Variants in DCDC2 observed in about 807,000 individuals in gnomAD.
The protein encoded by DCDC2 is doublecortin domain-containing protein 2.
DCDC2 carries 40 observed loss-of-function variants against 50.2 expected under a neutral mutation model. The ratio of observed to expected loss-of-function variants is 0.80; its 90% CI spans 0.62 to 1.04. The LOEUF (loss-of-function observed/expected upper bound fraction) is 1.04. Among genes scored for constraint, DCDC2 ranks in the 50% least tolerant of loss-of-function variants. The probability of loss-of-function intolerance (pLI) is 0.00; values close to 1 mark genes in which losing one functional copy is unlikely to be tolerated. For synonymous variants in DCDC2, 234 were observed against 210.6 expected (o/e 1.11, Z -0.96); for missense variants, 570 against 581.9 (o/e 0.98, Z 0.21).
chr6:24,213,273 C>T (rs1386424796), intron 7 of DCDC2, among the ~76,000 whole-genome samples: 6 of 152,066 alleles, frequency 3.9e-5, no homozygotes, highest in South Asian at 2.1e-4. Flanking sequence ...TCTTAGTTAT[C>T]TATTAACTAG....
chr6:24,358,207 A>G, upstream of DCDC2: 1 of 332,764 alleles, frequency 3.0e-6, no homozygotes, highest in Non-Finnish European at 5.7e-6. Context: ...AAACAGCCTA[A>G]TTTTTCTTTT....
At chr6:24,234,675 T>C (rs1417412) in intron 7 of DCDC2, among the ~76,000 whole-genome samples, 3,134 of 152,264 alleles carry the variant, frequency 0.021, 103 homozygotes, top group African/African-American at 0.067. Flanking sequence ...AACATTAAGA[T>C]TGTGTCTAGA....
At chr6:24,185,684 CACAT>C (rs1203458251) in intron 8 of DCDC2, among the ~76,000 whole-genome samples, 6 of 88,126 alleles carry the variant, frequency 6.8e-5, no homozygotes, top group African/African-American at 2.5e-4. Context: ...CCCATCCATA[CACAT>C]ACACACACAC....
intron 6 of DCDC2, among the ~76,000 whole-genome samples, chr6:24,285,473 T>C (rs1010668492): frequency 6.6e-6 from 1 of 152,224 alleles, no homozygotes; most frequent in Admixed American, 6.5e-5. Flanking sequence ...AATCGCTTGT[T>C]TCACTTTTGT....
chr6:24,369,865 C>T, the DCDC2 span, among the ~76,000 whole-genome samples: 1 of 151,516 alleles, frequency 6.6e-6, no homozygotes, highest in Non-Finnish European at 1.5e-5. Context: ...TGTGGCAAGA[C>T]TCTGTCTCTA....
chr6:24,254,199 C>A (rs1479329007), intron 7 of DCDC2, among the ~76,000 whole-genome samples: 2 of 152,108 alleles, frequency 1.3e-5, no homozygotes, highest in African/African-American at 4.8e-5. Context: ...GATAATAATG[C>A]CCTCTTTTGG....
At chr6:24,317,903 G>A (rs956873907) in intron 2 of DCDC2, among the ~76,000 whole-genome samples, 3 of 151,548 alleles carry the variant, frequency 2.0e-5, no homozygotes, top group Admixed American at 2.0e-4. Flanking sequence ...TATAAAAAAT[G>A]TTCGAACTTG....
intron 4 of DCDC2, among the ~76,000 whole-genome samples, chr6:24,298,072 G>C (rs559138411): frequency 3.0e-4 from 45 of 152,344 alleles, no homozygotes; most frequent in African/African-American, 1.0e-3. Context: ...CAGACGGAGT[G>C]GGGGACGGGA....
At chr6:24,240,058 C>A (rs1459811569) in intron 7 of DCDC2, among the ~76,000 whole-genome samples, 1 of 152,042 alleles carries the variant, frequency 6.6e-6, no homozygotes, top group Non-Finnish European at 1.5e-5. Flanking sequence ...AGGAGGCAGG[C>A]AATGTAATAT....
chr6:24,351,925 G>A (rs1385362665), intron 2 of DCDC2, among the ~76,000 whole-genome samples: 1 of 152,126 alleles, frequency 6.6e-6, no homozygotes, highest in African/African-American at 2.4e-5. Flanking sequence ...CCAACATGCT[G>A]AAACCCCGTC....
intron 7 of DCDC2, among the ~76,000 whole-genome samples, chr6:24,260,094 C>A (rs1419317876): frequency 6.6e-6 from 1 of 151,670 alleles, no homozygotes; most frequent in African/African-American, 2.4e-5. Context: ...TTTTTTCTTC[C>A]CTCTCTCCTT....
chr6:24,304,645 T>G (rs1413841490), intron 2 of DCDC2, among the ~76,000 whole-genome samples: 1 of 152,222 alleles, frequency 6.6e-6, no homozygotes, highest in Non-Finnish European at 1.5e-5. Context: ...AAAGATAGTC[T>G]GTACATACAC....
At chr6:24,353,887 C>A (rs1350200588) in intron 1 of DCDC2, among the ~76,000 whole-genome samples, 3 of 152,184 alleles carry the variant, frequency 2.0e-5, no homozygotes, top group African/African-American at 7.2e-5. Flanking sequence ...ATTTTTCCCT[C>A]TTAATAGTTA....
intron 7 of DCDC2, among the ~76,000 whole-genome samples, chr6:24,268,215 G>A (rs1256608099): frequency 5.9e-5 from 9 of 152,294 alleles, no homozygotes; most frequent in South Asian, 2.1e-4. Flanking sequence ...GGCCAGGCGC[G>A]GTGACTCACG....
At chr6:24,247,272 T>G (rs1048541716) in intron 7 of DCDC2, among the ~76,000 whole-genome samples, 2 of 152,116 alleles carry the variant, frequency 1.3e-5, no homozygotes, top group African/African-American at 4.8e-5. Flanking sequence ...CTACTGCACT[T>G]CAGCCTCAGT....
chr6:24,381,803 A>AAAGGAAGGAAGG, the DCDC2 span, among the ~76,000 whole-genome samples: 8,169 of 67,032 alleles, frequency 0.12, 937 homozygotes, highest in East Asian at 0.2. Flanking sequence ...GGAAGGAAAG[A>AAAGGAAGGAAGG]AAGGAAGGAA....
In DCDC2 at chr6:24,205,101, A is replaced by C. The variant is rs756932116; in HGVS notation, c.924T>G (p.Asp308Glu). ...CTGCTCCAGCTTTGAAAATGCCTTCATCTATTGAGACAAACACACAGTGAA... is the reference window on the plus strand; with the variant it reads ...CTGCTCCAGCTTTGAAAATGCCTTCCTCTATTGAGACAAACACACAGTGAA... Reference protein sequence around the residue: ...KNSQETIPNSDEGIFKAGAER... With the variant: ...KNSQETIPNSEEGIFKAGAER... The change falls in exon 8 of 10, where the codon GAT becomes GAG. Residue 308 changes from aspartate to glutamate, a missense_variant and splice_region_variant. Physicochemically the swap from Asp to Glu is conservative, Grantham distance 45. Transcript: ENST00000378454. 6.2e-7 allele frequency: 1 copy of C among 1,614,028 alleles called. No homozygotes were observed. The highest frequency in any genetic ancestry group is 1.3e-5 in the African/African-American group (1 of 74,912).
At chr6:24,368,545 A>G in the DCDC2 span, among the ~76,000 whole-genome samples, 1 of 152,238 alleles carries the variant, frequency 6.6e-6, no homozygotes, top group African/African-American at 2.4e-5. Context: ...GTGGACTAAG[A>G]TCTTCAATGT....
chr6:24,203,987 A>G (rs1761648186), intron 8 of DCDC2, among the ~76,000 whole-genome samples: 1 of 152,232 alleles, frequency 6.6e-6, no homozygotes, highest in Admixed American at 6.5e-5. Flanking sequence ...GTCAGGAGGC[A>G]ACAGATGCTG....
Sources: allele counts gnomAD v4.1 joint callset (sites outside exome capture counted in the v4.1 genomes callset), GRCh38; gene constraint gnomAD v4.1.1; transcripts MANE v1.5; gene names NCBI Gene and HGNC (gene_info 2026-07-23, HGNC 2026-07-21).